Variants in MACROD2 observed in about 807,000 individuals in gnomAD.
MACROD2 encodes the protein ADP-ribose glycohydrolase MACROD2.
A neutral mutation model predicts 70.4 loss-of-function variants in MACROD2; 36 were observed. The observed-to-expected ratio is 0.51, with a 90% confidence interval of 0.39 to 0.68. The LOEUF (loss-of-function observed/expected upper bound fraction) is 0.68, where lower values mean the gene tolerates loss of function less well. Ranked by LOEUF, MACROD2 falls within the 30% of genes least tolerant of loss-of-function variation. MACROD2 has a pLI of 0.00. For synonymous variants in MACROD2, 172 were observed against 178.8 expected, an observed-to-expected ratio of 0.96 and a Z score of 0.30; for missense variants, 496 against 538.4, an observed-to-expected ratio of 0.92 and a Z score of 0.78.
chr20:15,461,000 A>ATG (rs1451007880), intron 7 of MACROD2, among the ~76,000 whole-genome samples: 1 of 69,284 alleles, frequency 1.4e-5, no homozygotes, highest in Non-Finnish European at 2.9e-5. Flanking sequence ...ATATATATAT[A>ATG]TATATATTTT....
intron 8 of MACROD2, among the ~76,000 whole-genome samples, chr20:15,805,387 G>A (rs758420368): frequency 1.3e-5 from 2 of 152,090 alleles, no homozygotes; most frequent in East Asian, 3.9e-4. Context: ...CTAGGGAATC[G>A]AGTTTTATCA....
intron 8 of MACROD2, among the ~76,000 whole-genome samples, chr20:15,850,579 G>A (rs2064286107): frequency 6.6e-6 from 1 of 152,184 alleles, no homozygotes; most frequent in Non-Finnish European, 1.5e-5. Context: ...TCACATAGAA[G>A]GAGATCTGTA....
At chr20:14,180,051 G>A (rs943293434) in intron 3 of MACROD2, among the ~76,000 whole-genome samples, 2 of 151,910 alleles carry the variant, frequency 1.3e-5, no homozygotes, top group Non-Finnish European at 1.5e-5. Context: ...AAACCAAAAC[G>A]CTGTACCCAT....
intron 3 of MACROD2, among the ~76,000 whole-genome samples, chr20:14,157,135 G>A (rs1166821861): frequency 1.3e-5 from 2 of 152,156 alleles, no homozygotes; most frequent in South Asian, 4.1e-4. Context: ...AAAAAACTGA[G>A]AATGGAGCAA....
At chr20:14,912,834 G>A (rs2074044104) in intron 5 of MACROD2, among the ~76,000 whole-genome samples, 1 of 152,156 alleles carries the variant, frequency 6.6e-6, no homozygotes, top group Admixed American at 6.5e-5. Context: ...ACTCAGCTGT[G>A]TATGAAAGAG....
At chr20:14,025,350 G>A (rs768086515) in intron 2 of MACROD2, among the ~76,000 whole-genome samples, 5 of 152,122 alleles carry the variant, frequency 3.3e-5, no homozygotes, top group South Asian at 2.1e-4. Context: ...CGGGTTTTTC[G>A]TGTCTGTATC....
intron 2 of MACROD2, among the ~76,000 whole-genome samples, chr20:14,084,011 G>A (rs916522143): frequency 2.4e-5 from 3 of 125,648 alleles, no homozygotes; most frequent in East Asian, 5.4e-4. Context: ...GCAGTGAGCC[G>A]AGATCGCGCC....
intron 4 of MACROD2, among the ~76,000 whole-genome samples, chr20:14,562,623 A>G (rs915979086): frequency 8.6e-5 from 13 of 151,894 alleles, no homozygotes; most frequent in Non-Finnish European, 1.5e-4. Context: ...TGAAATTGGT[A>G]TCCAACTATC....
chr20:14,697,928 C>T (rs998519535), intron 5 of MACROD2, among the ~76,000 whole-genome samples: 5 of 152,196 alleles, frequency 3.3e-5, no homozygotes, highest in African/African-American at 1.2e-4. Context: ...TAAGACTGTA[C>T]ACTTTGCATC....
At chr20:14,438,542 G>T (rs1304474288) in intron 3 of MACROD2, among the ~76,000 whole-genome samples, 1 of 152,114 alleles carries the variant, frequency 6.6e-6, no homozygotes, top group African/African-American at 2.4e-5. Context: ...GTTTACAAAG[G>T]TTCTCTTTTC....
intron 5 of MACROD2, among the ~76,000 whole-genome samples, chr20:15,079,049 C>T (rs1033804599): frequency 1.3e-5 from 2 of 152,086 alleles, no homozygotes; most frequent in African/African-American, 4.8e-5. Context: ...ACACCATGCA[C>T]CATGGGTCCT....
chr20:15,108,919 C>G lies in MACROD2; in HGVS notation c.419-121021C>G, dbSNP rs1236518209. On this transcript the variant is annotated intron_variant, in intron 5 of 17. Coordinates refer to ENST00000684519, the MANE Select transcript of MACROD2 (RefSeq NM_001351661.2). ...ACTAGTGAGTGACAGAACAAGGACC[C>G]CATGCCAGATGTGTCTGTTCCACAG... 2.0e-5 allele frequency among the ~76,000 whole-genome samples: 3 copies of G among 152,182 alleles called. No homozygotes were observed. The East Asian group carries it at 5.8e-4, about 29-fold the overall frequency.
At chr20:15,534,384 A>C (rs1178236631) in intron 8 of MACROD2, among the ~76,000 whole-genome samples, 1 of 152,246 alleles carries the variant, frequency 6.6e-6, no homozygotes, top group Admixed American at 6.5e-5. Flanking sequence ...ATTACATTAA[A>C]GTAATGAATT....
intron 5 of MACROD2, among the ~76,000 whole-genome samples, chr20:15,216,719 G>A (rs2076813744): frequency 6.6e-6 from 1 of 152,066 alleles, no homozygotes; most frequent in Admixed American, 6.6e-5. Flanking sequence ...AGAAGTCAAA[G>A]GCAGAAATGA....
chr20:14,835,721 C>A (rs1306633937), intron 5 of MACROD2, among the ~76,000 whole-genome samples: 1 of 151,954 alleles, frequency 6.6e-6, no homozygotes, highest in Non-Finnish European at 1.5e-5. Flanking sequence ...GGGCATTGCA[C>A]CATTCTCTTA....
chr20:15,689,414 A>G (rs1023202072), intron 8 of MACROD2, among the ~76,000 whole-genome samples: 45 of 152,312 alleles, frequency 3.0e-4, no homozygotes, highest in African/African-American at 1.0e-3. Flanking sequence ...ACAGATTTTC[A>G]TAAGATCTGT....
chr20:14,107,743 T>C (rs534585999), intron 3 of MACROD2, among the ~76,000 whole-genome samples: 1 of 152,072 alleles, frequency 6.6e-6, no homozygotes, highest in Admixed American at 6.6e-5. Context: ...ATATTTCAAA[T>C]CTGATGGAAA....
Position 15,615,651 on chromosome 20 carries a change from C to A in MACROD2, c.645+115804C>A, listed in dbSNP as rs1021114014. On this transcript the variant is annotated intron_variant, in intron 8 of 17. Transcript: ENST00000684519. ...GACCACAGGCCACACACTACCACAC[C>A]CACCATGGTCCAAGGGCCTGTGTCG... is the stretch of plus-strand genomic sequence containing the variant. Among the ~76,000 whole-genome samples, 6 of 152,218 alleles carry A rather than the reference C, an allele frequency of 3.9e-5. No individual in the cohort carries two copies. In the South Asian group the frequency reaches 6.2e-4, roughly 16 times the overall value.
At chr20:14,572,031 T>G (rs1458433962) in intron 4 of MACROD2, among the ~76,000 whole-genome samples, 1 of 152,082 alleles carries the variant, frequency 6.6e-6, no homozygotes, top group African/African-American at 2.4e-5. Flanking sequence ...ATATATTTTG[T>G]CATAGACAGC....
Sources: gnomAD v4.1 joint callset for allele counts (sites outside exome capture counted in the v4.1 genomes callset) on GRCh38, gnomAD v4.1.1 for gene constraint, MANE v1.5 for transcripts, NCBI Gene and HGNC (gene_info 2026-07-23, HGNC 2026-07-21) for gene names.